SORCS3: variants seen among roughly 807,000 people sequenced by gnomAD.
SORCS3 encodes the protein sortilin related VPS10 domain containing receptor 3.
A neutral mutation model predicts 146.3 loss-of-function variants in SORCS3; 57 were observed. The ratio of observed to expected loss-of-function variants is 0.39; its 90% confidence interval spans 0.31 to 0.49. The LOEUF is 0.49. SORCS3 is among the 20% of genes least tolerant of loss of function. The pLI is 0.92. For missense variants in SORCS3, 1,341 were observed against 1,575.5 expected (o/e 0.85, Z 2.52); for synonymous variants, 653 against 618.5 (o/e 1.06, Z -0.83).
intron 9 of SORCS3, among the ~76,000 whole-genome samples, chr10:105,150,367 T>C (rs1462063395): frequency 6.6e-6 from 1 of 152,154 alleles, no homozygotes; most frequent in African/African-American, 2.4e-5. Flanking sequence ...CCTGTTCCTA[T>C]GACACCGCAG....
At chr10:104,873,653 C>A (rs972594541) in intron 2 of SORCS3, among the ~76,000 whole-genome samples, 1 of 152,148 alleles carries the variant, frequency 6.6e-6, no homozygotes, top group Non-Finnish European at 1.5e-5. Flanking sequence ...ATAATTGTGG[C>A]ATATCTTTAA....
chr10:105,064,922 T>C (rs1184649336), intron 5 of SORCS3, among the ~76,000 whole-genome samples: 1 of 152,208 alleles, frequency 6.6e-6, no homozygotes, highest in African/African-American at 2.4e-5. Flanking sequence ...ATTCTCTAGG[T>C]ATTCCTTAGT....
At chr10:105,158,745 G>A (rs991642185) in intron 10 of SORCS3, 147 bp from the exon 11 acceptor site, 34 of 617,096 alleles carry the variant, frequency 5.5e-5, no homozygotes, top group South Asian at 2.4e-4. Context: ...TCTCAGGTGC[G>A]GATATCTCCT....
intron 10 of SORCS3, among the ~76,000 whole-genome samples, chr10:105,157,740 C>T (rs2119498048): frequency 6.6e-6 from 1 of 152,204 alleles, no homozygotes; most frequent in Non-Finnish European, 1.5e-5. Flanking sequence ...TTCCAGGATT[C>T]CTGTTGTATG....
At chr10:105,129,942 C>T (rs896037337) in intron 7 of SORCS3, among the ~76,000 whole-genome samples, 3 of 152,130 alleles carry the variant, frequency 2.0e-5, no homozygotes, top group Non-Finnish European at 2.9e-5. Flanking sequence ...TACCCCAGCA[C>T]CTCTTGAAGC....
chr10:104,732,980 G>A (rs1435366318), intron 1 of SORCS3, among the ~76,000 whole-genome samples: 1 of 152,190 alleles, frequency 6.6e-6, no homozygotes, highest in Non-Finnish European at 1.5e-5. Flanking sequence ...AACAGTGGAG[G>A]TGGGAGCCCA....
chr10:105,255,694 T>G lies in SORCS3; in HGVS notation c.3238-8T>G, dbSNP rs754322563. The G allele has an allele frequency of 6.2e-7, 1 of 1,606,670 alleles. No homozygotes were observed. Among genetic ancestry groups the G allele is most frequent in the Non-Finnish European group, 8.5e-7 (1 of 1,173,586 alleles). ...TGTCACCCCATGCATCCTGTCTTAT[T>G]TTTTCAGATTGTAGAAACACTGTTT... On this transcript the variant is annotated splice_polypyrimidine_tract_variant and splice_region_variant and intron_variant, in intron 23 of 26. Coordinates refer to ENST00000369701, the MANE Select transcript of SORCS3 (RefSeq NM_014978.3).
At chr10:104,929,262 G>T (rs2019181334) in intron 3 of SORCS3, among the ~76,000 whole-genome samples, 1 of 152,108 alleles carries the variant, frequency 6.6e-6, no homozygotes, top group African/African-American at 2.4e-5. Context: ...AGAATACCTG[G>T]CAGAGAGTAG....
chr10:104,643,073 T>G (rs974852495), intron 1 of SORCS3, among the ~76,000 whole-genome samples: 18 of 152,222 alleles, frequency 1.2e-4, no homozygotes, highest in African/African-American at 4.3e-4. Context: ...TAGAGCCAGA[T>G]TTGGAAAATC....
intron 14 of SORCS3, among the ~76,000 whole-genome samples, chr10:105,195,019 G>A (rs548633757): frequency 2.2e-4 from 34 of 152,316 alleles, no homozygotes; most frequent in African/African-American, 7.7e-4. Flanking sequence ...AAAGAGCTCA[G>A]TGTTGCCAGA....
At chr10:105,120,886 A>T (rs1049525009) in intron 7 of SORCS3, among the ~76,000 whole-genome samples, 1 of 152,162 alleles carries the variant, frequency 6.6e-6, no homozygotes, top group African/African-American at 2.4e-5. Context: ...AAAAGCTTCT[A>T]TTACTATTAG....
intron 1 of SORCS3, among the ~76,000 whole-genome samples, chr10:104,714,269 T>G (rs1436215370): frequency 6.6e-6 from 1 of 152,090 alleles, no homozygotes; most frequent in East Asian, 1.9e-4. Flanking sequence ...GCTCAAATTT[T>G]TCTTCTTTCT....
chr10:104,641,808 G>A lies in SORCS3; in HGVS notation c.481G>A (p.Ala161Thr), dbSNP rs756722144. The A allele has an allele frequency of 9.7e-6, 15 of 1,552,588 alleles. No individual in the cohort carries two copies. The highest frequency in any genetic ancestry group is 3.4e-4 in the Middle Eastern group (2 of 5,840). ...ADGSRGSRPL[A>T]KGSREEVKAP... is the part of the protein sequence containing the mutation. ...TGGTTCCAGAGGAAGCCGTCCCCTT[G>A]CTAAGGGTTCCCGGGAGGAGGTGAA... Residue 161 changes from alanine (A) to threonine (T), a missense_variant, in exon 1 of 27, where the codon GCT (alanine) becomes ACT (threonine). By Grantham distance (58) the Ala-to-Thr change is moderately conservative. Transcript: ENST00000369701. The surrounding 1 kb of genome is among the most constrained non-coding windows in gnomAD (Gnocchi z 6.4).
intron 1 of SORCS3, among the ~76,000 whole-genome samples, chr10:104,779,561 G>A (rs1243390962): frequency 6.6e-6 from 1 of 152,232 alleles, no homozygotes; most frequent in African/African-American, 2.4e-5. Flanking sequence ...GAGGAAGTGT[G>A]AAGGCTGCCG....
At chr10:104,698,295 C>G (rs780092916) in intron 1 of SORCS3, among the ~76,000 whole-genome samples, 5 of 152,164 alleles carry the variant, frequency 3.3e-5, no homozygotes, top group Middle Eastern at 3.2e-3. Context: ...GCCTGAGACC[C>G]AAGCCCTGAT....
intron 3 of SORCS3, among the ~76,000 whole-genome samples, chr10:104,957,784 A>C (rs2019511236): frequency 6.6e-6 from 1 of 152,048 alleles, no homozygotes. Context: ...TCTGGGGACC[A>C]CCTGGCATGG....
Position 105,214,443 on chromosome 10 carries a change from T to C in SORCS3, c.2377T>C (p.Tyr793His), listed in dbSNP as rs1213096328. ...CTATCAATTGTCAATTCTACTTAGG[T>C]ATCGGCGGATTGTGTCCAACAACTG... ...LGQSYLNSTG[Y>H]RRIVSNNCTD... The change falls in exon 18 of 27, where the codon TAT (tyrosine) becomes CAT (histidine). Residue 793 changes from tyrosine (Y) to histidine (H), a missense_variant and splice_region_variant. Physicochemically the swap from Tyr to His is moderately conservative, Grantham distance 83 (BLOSUM62 2). Coordinates refer to ENST00000369701, the MANE Select transcript of SORCS3 (RefSeq NM_014978.3). The C allele has an allele frequency of 6.2e-7, 1 of 1,613,974 alleles. No individual in the cohort carries two copies. Among genetic ancestry groups the C allele is most frequent in the East Asian group, 2.2e-5 (1 of 44,876 alleles).
chr10:105,140,332 C>G (rs189745305), intron 8 of SORCS3, among the ~76,000 whole-genome samples: 45 of 148,556 alleles, frequency 3.0e-4, no homozygotes, highest in African/African-American at 1.0e-3. Context: ...TTTATGCATG[C>G]GTGTATTCAT....
chr10:104,761,640 C>T (rs186705701), intron 1 of SORCS3, among the ~76,000 whole-genome samples: 8 of 152,262 alleles, frequency 5.3e-5, no homozygotes, highest in South Asian at 2.1e-4. Flanking sequence ...TCTAATCTCC[C>T]CTTGGGAATT....
Sources: gnomAD v4.1 joint callset for allele counts (sites outside exome capture counted in the v4.1 genomes callset) on GRCh38, gnomAD v4.1.1 for gene constraint, Gnocchi (gnomAD v3.1) non-coding constraint, MANE v1.5 for transcripts, NCBI Gene and HGNC (gene_info 2026-07-23, HGNC 2026-07-21) for gene names.